The following NKAIN3 variants were observed in gnomAD, a reference collection of about 807,000 sequenced individuals.
NKAIN3 encodes the protein sodium/potassium transporting ATPase interacting 3, also known as sodium/potassium-transporting ATPase subunit beta-1-interacting protein 3.
NKAIN3 carries 25 observed loss-of-function variants against 30.2 expected under a neutral mutation model. The ratio of observed to expected loss-of-function variants is 0.83; its 90% CI spans 0.60 to 1.16. The LOEUF (loss-of-function observed/expected upper bound fraction) is 1.16, where lower values mean the gene tolerates loss of function less well. Ranked by LOEUF, NKAIN3 falls within the 50% of genes most tolerant of loss-of-function variation. NKAIN3 has a pLI of 0.00. For synonymous variants in NKAIN3, 91 were observed against 89.6 expected (o/e 1.02, Z -0.09); for missense variants, 225 against 254.1 (o/e 0.89, Z 0.78).
At chr8:62,252,652 C>A in intron 1 of NKAIN3, among the ~76,000 whole-genome samples, 1 of 152,158 alleles carries the variant, frequency 6.6e-6, no homozygotes, top group East Asian at 1.9e-4. Context: ...AGTATGAATA[C>A]AGGCCCATCA....
At chr8:62,990,308 ATTATT>A in intron 5 of NKAIN3, 7 of 1,414,466 alleles carry the variant, frequency 4.9e-6, no homozygotes, top group Non-Finnish European at 6.5e-6. Flanking sequence ...GAGGTGATGC[ATTATT>A]TTAGAGTGTC....
intron 1 of NKAIN3, among the ~76,000 whole-genome samples, chr8:62,373,485 C>T (rs1378518482): frequency 1.5e-4 from 23 of 152,242 alleles, no homozygotes; most frequent in Non-Finnish European, 2.9e-5. Context: ...TTATACTGAT[C>T]TGTTTTGCTC....
At chr8:62,453,097 A>T (rs764039400) in intron 1 of NKAIN3, among the ~76,000 whole-genome samples, 1 of 152,210 alleles carries the variant, frequency 6.6e-6, no homozygotes, top group Non-Finnish European at 1.5e-5. Flanking sequence ...CTTTTTGAGT[A>T]TTTTAAGTTT....
intron 4 of NKAIN3, among the ~76,000 whole-genome samples, chr8:62,811,891 T>C (rs998427795): frequency 2.6e-5 from 4 of 152,032 alleles, no homozygotes; most frequent in Admixed American, 6.6e-5. Context: ...ATGCATTGCA[T>C]GTCAAGTCTA....
intron 3 of NKAIN3, among the ~76,000 whole-genome samples, chr8:62,743,556 T>G (rs1815974722): frequency 6.6e-6 from 1 of 152,178 alleles, no homozygotes; most frequent in Admixed American, 6.5e-5. Context: ...ATGTTTTGAT[T>G]TGATGTAGAA....
intron 1 of NKAIN3, among the ~76,000 whole-genome samples, chr8:62,440,628 A>G (rs887732348): frequency 6.6e-6 from 1 of 151,866 alleles, no homozygotes; most frequent in African/African-American, 2.4e-5. Context: ...AAAAAACCCA[A>G]ATCTCTTGCT....
At chr8:62,643,509 C>G (rs900879433) in intron 3 of NKAIN3, among the ~76,000 whole-genome samples, 8 of 152,118 alleles carry the variant, frequency 5.3e-5, no homozygotes, top group African/African-American at 1.9e-4. Flanking sequence ...TGATCCTGCC[C>G]TCTGATCATG....
intron 1 of NKAIN3, among the ~76,000 whole-genome samples, chr8:62,447,992 T>C (rs1443796253): frequency 3.9e-5 from 6 of 151,948 alleles, no homozygotes; most frequent in Non-Finnish European, 2.9e-5. Context: ...TAGGTGTAAC[T>C]GCGCCAAAGG....
chr8:62,985,776 T>A (rs1370601250), downstream of NKAIN3, among the ~76,000 whole-genome samples: 1 of 151,200 alleles, frequency 6.6e-6, no homozygotes, highest in Non-Finnish European at 1.5e-5. Flanking sequence ...GGGAGGAGCC[T>A]GTTAACTTTT....
intron 5 of NKAIN3, among the ~76,000 whole-genome samples, chr8:62,947,964 G>A (rs1259623463): frequency 2.0e-5 from 3 of 152,212 alleles, no homozygotes; most frequent in Admixed American, 1.3e-4. Flanking sequence ...AACAAATGGT[G>A]ATTATTGTTT....
At chr8:62,963,126 C>T (rs370036767) in intron 6 of NKAIN3, among the ~76,000 whole-genome samples, 26 of 152,164 alleles carry the variant, frequency 1.7e-4, no homozygotes, top group Non-Finnish European at 3.7e-4. Context: ...CTCCTGACCT[C>T]GGGTGATCCA....
chr8:62,540,785 GC>G (rs530992865), intron 1 of NKAIN3, among the ~76,000 whole-genome samples: 16 of 151,342 alleles, frequency 1.1e-4, no homozygotes, highest in Non-Finnish European at 1.8e-4. Context: ...CATGTCTTTT[GC>G]ATTTTTGGTT....
At chr8:62,734,264 C>T (rs769977569) in intron 3 of NKAIN3, among the ~76,000 whole-genome samples, 20 of 152,320 alleles carry the variant, frequency 1.3e-4, no homozygotes, top group Non-Finnish European at 2.4e-4. Flanking sequence ...GCCTGGGTGA[C>T]AGAGCAAGTT....
chr8:62,787,477 A>G (rs564895165), intron 4 of NKAIN3, among the ~76,000 whole-genome samples: 1 of 152,296 alleles, frequency 6.6e-6, no homozygotes, highest in African/African-American at 2.4e-5. Context: ...CTTCCTGTGT[A>G]ACCAGGACAA....
intron 1 of NKAIN3, among the ~76,000 whole-genome samples, chr8:62,449,693 T>G (rs1044073147): frequency 2.6e-5 from 4 of 152,144 alleles, no homozygotes; most frequent in African/African-American, 4.8e-5. Flanking sequence ...GGTATGTTTA[T>G]GATTTAGAAA....
intron 1 of NKAIN3, among the ~76,000 whole-genome samples, chr8:62,527,212 A>T (rs1869016): frequency 6.6e-6 from 1 of 152,074 alleles, no homozygotes; most frequent in Non-Finnish European, 1.5e-5. Context: ...CAGCCAAACG[A>T]CTCAACATTT....
chr8:62,674,330 T>A (rs1244654400), intron 3 of NKAIN3, among the ~76,000 whole-genome samples: 1 of 152,204 alleles, frequency 6.6e-6, no homozygotes, highest in Non-Finnish European at 1.5e-5. Context: ...TCAGCAGTCC[T>A]TGTTTATTTC....
chr8:62,798,575 C>CA (rs1397435780), intron 4 of NKAIN3, among the ~76,000 whole-genome samples: 56 of 119,988 alleles, frequency 4.7e-4, no homozygotes, highest in East Asian at 3.7e-3. Context: ...CCGTCCCCCC[C>CA]AAAAAAAAAA....
intron 2 of NKAIN3, among the ~76,000 whole-genome samples, chr8:62,589,349 A>G (rs1810580401): frequency 6.6e-6 from 1 of 151,766 alleles, no homozygotes; most frequent in African/African-American, 2.4e-5. Flanking sequence ...TGACAGTTTT[A>G]TACTGTAACT....
Sources: gnomAD v4.1 joint callset for allele counts (sites outside exome capture counted in the v4.1 genomes callset) on GRCh38, gnomAD v4.1.1 for gene constraint, MANE v1.5 for transcripts, NCBI Gene and HGNC (gene_info 2026-07-23, HGNC 2026-07-21) for gene names.